The following STIM1 variants were observed in gnomAD, a reference collection of about 807,000 sequenced individuals.
The protein encoded by STIM1 is stromal interaction molecule 1.
Under a neutral mutation model 74.7 loss-of-function variants are expected in STIM1, and 25 were observed. The ratio of observed to expected loss-of-function variants is 0.33; its 90% CI spans 0.24 to 0.47. The LOEUF (loss-of-function observed/expected upper bound fraction) is 0.47. Among genes scored for constraint, STIM1 ranks in the 20% least tolerant of loss-of-function variants. STIM1 has a pLI of 1.00. For missense variants in STIM1, 728 were observed against 920.8 expected, an observed-to-expected ratio of 0.79 and a Z score of 2.71; for synonymous variants, 328 against 348.8, an observed-to-expected ratio of 0.94 and a Z score of 0.66.
At chr11:3,975,009 T>C (rs1183582742) in intron 2 of STIM1, among the ~76,000 whole-genome samples, 1 of 152,196 alleles carries the variant, frequency 6.6e-6, no homozygotes, top group East Asian at 1.9e-4. Context: ...CAAATTCTTA[T>C]TTAATACATA....
chr11:4,016,650 C>T (rs1590650800), intron 2 of STIM1, among the ~76,000 whole-genome samples: 1 of 152,256 alleles, frequency 6.6e-6, no homozygotes, highest in South Asian at 2.1e-4. Context: ...TATGCCCTGC[C>T]CCCAGAGATG....
chr11:3,863,889 A>G (rs1291243048), intron 1 of STIM1, among the ~76,000 whole-genome samples: 1 of 152,152 alleles, frequency 6.6e-6, no homozygotes, highest in Non-Finnish European at 1.5e-5. Flanking sequence ...ATTGTTGTTA[A>G]CATCTTACTA....
At chr11:3,945,318 T>C (rs1193523224) in intron 1 of STIM1, among the ~76,000 whole-genome samples, 1 of 152,170 alleles carries the variant, frequency 6.6e-6, no homozygotes. Flanking sequence ...GGCTCACGCC[T>C]GTAATCCCAG....
At chr11:3,987,645 C>T (rs541717271) in intron 2 of STIM1, among the ~76,000 whole-genome samples, 4 of 152,172 alleles carry the variant, frequency 2.6e-5, no homozygotes, top group Non-Finnish European at 5.9e-5. Flanking sequence ...GATCTCAGCA[C>T]AAGACCTGTC....
chr11:4,086,437 G>A (rs1031297020), intron 11 of STIM1, 40 bp from the exon 12 acceptor site: 5 of 1,609,894 alleles, frequency 3.1e-6, no homozygotes, highest in Non-Finnish European at 4.2e-6. Flanking sequence ...AGCCCAAAGT[G>A]GGCTGGCCCC....
chr11:3,893,561 C>G (rs544114336), intron 1 of STIM1, among the ~76,000 whole-genome samples: 1 of 152,180 alleles, frequency 6.6e-6, no homozygotes, highest in Non-Finnish European at 1.5e-5. Context: ...GCATGAATAT[C>G]TACATGTTTA....
Position 4,081,510 on chromosome 11 carries a change from T to C in STIM1, c.970-674T>C, listed in dbSNP as rs1437546240. Among the ~76,000 whole-genome samples, 4 of 152,232 alleles carry C rather than the reference T, an allele frequency of 2.6e-5. No individual in the cohort carries two copies. The East Asian group carries it at 7.7e-4, about 29-fold the overall frequency. On this transcript the variant is annotated intron_variant, in intron 7 of 12. Coordinates refer to ENST00000526596, the MANE Select transcript of STIM1 (RefSeq NM_001382567.1). ...CCCTGAGAGAATCATAGACGCAGTC[T>C]CTGGGCTAGAGAAGACTTTGGAGAG...
chr11:4,038,017 G>A (rs1407652391), intron 3 of STIM1, among the ~76,000 whole-genome samples: 1 of 150,248 alleles, frequency 6.7e-6, no homozygotes, highest in African/African-American at 2.4e-5. Context: ...TAAAAGATAT[G>A]TATCTTTAAC....
chr11:4,072,561 A>G (rs1384707577), intron 6 of STIM1, among the ~76,000 whole-genome samples: 1 of 152,018 alleles, frequency 6.6e-6, no homozygotes, highest in Non-Finnish European at 1.5e-5. Flanking sequence ...TTGTATACTT[A>G]TTTGCTCATT....
At chr11:3,856,598 C>T (rs997022497) in intron 1 of STIM1, among the ~76,000 whole-genome samples, 189 bp downstream of exon 1, 5 of 152,232 alleles carry the variant, frequency 3.3e-5, no homozygotes, top group South Asian at 2.1e-4. Flanking sequence ...CTGTATCTTT[C>T]CTGAACAACT....
intron 1 of STIM1, among the ~76,000 whole-genome samples, chr11:3,906,214 C>T (rs2092463298): frequency 6.6e-6 from 1 of 152,188 alleles, no homozygotes; most frequent in South Asian, 2.1e-4. Flanking sequence ...TGGTAGGCTT[C>T]TTCCTAAGTA....
intron 1 of STIM1, among the ~76,000 whole-genome samples, chr11:3,859,250 G>A (rs1403371162): frequency 6.6e-6 from 1 of 152,224 alleles, no homozygotes; most frequent in Non-Finnish European, 1.5e-5. Flanking sequence ...TGATCCTGCA[G>A]TGAAGGCAGG....
chr11:3,929,364 C>G (rs891555103), intron 1 of STIM1, among the ~76,000 whole-genome samples: 2 of 152,154 alleles, frequency 1.3e-5, no homozygotes, highest in Non-Finnish European at 1.5e-5. Context: ...TTTACGGAGC[C>G]CCTTGCTGTA....
At position 4,024,138 on chromosome 11, in the gene STIM1, A is replaced by T. The variant is rs56674214; in HGVS notation, c.385+151A>T. On this transcript the variant is annotated intron_variant, in intron 3 of 12. Transcript: ENST00000526596. ...TACATATAGTCACTAAAAAAGACTG[A>T]ATATAGTCACTCTGCTGGGCATGGG... 2,534 of 689,708 alleles carry T rather than the reference A, an allele frequency of 3.7e-3. 46 individuals carry two copies. The highest frequency in any genetic ancestry group is 0.037 in the African/African-American group (2,072 of 56,528). 42.7% of individuals were successfully genotyped at this position (689,708 alleles called of 1,614,324 possible). A position where few individuals can be genotyped will look rare whatever the true frequency, so the allele number is the denominator to read the frequency against.
intron 1 of STIM1, among the ~76,000 whole-genome samples, chr11:3,945,606 AT>A (rs886472420): frequency 2.0e-4 from 30 of 152,164 alleles, no homozygotes; most frequent in African/African-American, 7.2e-4. Flanking sequence ...CTCAAAAAAA[AT>A]AATGTTGTGT....
chr11:3,980,230 G>T (rs720572), intron 2 of STIM1, among the ~76,000 whole-genome samples: 1 of 152,096 alleles, frequency 6.6e-6, no homozygotes, highest in African/African-American at 2.4e-5. Flanking sequence ...CTGTGAACTA[G>T]GTGTTATTAA....
At chr11:3,978,038 C>T (rs902122273) in intron 2 of STIM1, among the ~76,000 whole-genome samples, 9 of 152,130 alleles carry the variant, frequency 5.9e-5, no homozygotes, top group East Asian at 1.9e-4. Context: ...GTTCTGTTTT[C>T]GCTTAAGTGG....
At chr11:3,879,136 A>G (rs532187815) in intron 1 of STIM1, among the ~76,000 whole-genome samples, 3 of 152,100 alleles carry the variant, frequency 2.0e-5, no homozygotes, top group Admixed American at 1.3e-4. Flanking sequence ...TTGTATTTTT[A>G]GTAGAGACGG....
intron 1 of STIM1, among the ~76,000 whole-genome samples, chr11:3,941,064 T>C (rs1278172562): frequency 6.6e-6 from 1 of 152,162 alleles, no homozygotes; most frequent in Non-Finnish European, 1.5e-5. Context: ...CATAGGGTTG[T>C]TGTGAGGATG....
Sources: gnomAD v4.1 joint callset for allele counts (sites outside exome capture counted in the v4.1 genomes callset) on GRCh38, gnomAD v4.1.1 for gene constraint, MANE v1.5 for transcripts, NCBI Gene and HGNC (gene_info 2026-07-23, HGNC 2026-07-21) for gene names.